The following C6orf132 variants were observed in gnomAD, a reference collection of about 807,000 sequenced individuals.
C6orf132 encodes the protein uncharacterized protein C6orf132.
In C6orf132, 43 loss-of-function variants were observed where a neutral mutation model predicts 65.3. That is an observed-to-expected ratio of 0.66 (90% confidence interval 0.52 to 0.85). C6orf132 has a LOEUF of 0.85. Ranked by LOEUF, C6orf132 falls within the 40% of genes least tolerant of loss-of-function variation. The pLI, the probability that C6orf132 is intolerant of heterozygous loss-of-function variation, is 0.00. For synonymous variants in C6orf132, 631 were observed against 654.1 expected (o/e 0.96, Z 0.54); for missense variants, 1,488 against 1,548.8 (o/e 0.96, Z 0.66).
At chr6:42,128,173 C>CG (rs1562040470) in intron 2 of C6orf132, among the ~76,000 whole-genome samples, 4 of 151,588 alleles carry the variant, frequency 2.6e-5, no homozygotes, top group South Asian at 2.1e-4. Flanking sequence ...TGATCTGCCC[C>CG]CTTGGCCTCC....
intron 1 of C6orf132, among the ~76,000 whole-genome samples, chr6:42,131,010 G>A (rs1766843578): frequency 1.3e-5 from 2 of 152,010 alleles, no homozygotes; most frequent in African/African-American, 2.4e-5. Context: ...CTCAGCCTCC[G>A]AAGTAGTTGG....
At chr6:42,134,292 A>G (rs912919812) in intron 1 of C6orf132, among the ~76,000 whole-genome samples, 2 of 152,218 alleles carry the variant, frequency 1.3e-5, no homozygotes, top group African/African-American at 4.8e-5. Flanking sequence ...ACATGTGAAC[A>G]GTGGTCCCTG....
rs760755874 is a variant in C6orf132 at position 42,105,768 on chromosome 6, C to T, written c.2144G>A (p.Gly715Asp). 175 of 1,537,220 alleles carry T rather than the reference C, an allele frequency of 1.1e-4. No homozygotes were observed. The highest frequency in any genetic ancestry group is 1.5e-4 in the Non-Finnish European group (172 of 1,146,930). The change falls in exon 4 of 5, where the codon GGC (glycine) becomes GAC (aspartate). Residue 715 changes from glycine to aspartate, a missense_variant. Coordinates refer to ENST00000341865, the MANE Select transcript of C6orf132 (RefSeq NM_001164446.3). ...LMAEKDSGPA[G>D]QPEKPASQEV... ...TTGAGATGCTGGCTTCTCTGGCTGGCCAGCTGGGCCTGAGTCCTTCTCTGC... is the reference window on the plus strand; with the variant it reads ...TTGAGATGCTGGCTTCTCTGGCTGGTCAGCTGGGCCTGAGTCCTTCTCTGC...
intron 2 of C6orf132, among the ~76,000 whole-genome samples, chr6:42,113,066 G>C (rs1180618280): frequency 1.3e-5 from 2 of 152,048 alleles, no homozygotes; most frequent in African/African-American, 4.8e-5. Context: ...TTGGGAACCA[G>C]GGGCAGGTAT....
In C6orf132 at chr6:42,107,039, G is replaced by T. The variant is rs1412013312; in HGVS notation, c.873C>A (p.Asn291Lys). ...AEPKGSALGPNPEPHLTFPRS... is the reference protein window; with the variant it reads ...AEPKGSALGPKPEPHLTFPRS... ...GGGGGAAGGTGAGATGGGGCTCTGG[G>T]TTAGGTCCCAGGGCGCTCCCCTTTG... Residue 291 changes from asparagine (N) to lysine (K), a missense_variant, in exon 4 of 5, where the codon AAC becomes AAA. By Grantham distance (94) the Asn-to-Lys change is moderately conservative. Transcript: ENST00000341865. 6.6e-7 allele frequency: 1 copy of T among 1,526,038 alleles called. No individual in the cohort carries two copies. Among genetic ancestry groups the T allele is most frequent in the African/African-American group, 1.4e-5 (1 of 72,288 alleles). 94.5% of individuals were successfully genotyped at this position (1,526,038 alleles called of 1,614,324 possible).
At chr6:42,122,872 C>T (rs1753257493) in intron 2 of C6orf132, among the ~76,000 whole-genome samples, 1 of 152,164 alleles carries the variant, frequency 6.6e-6, no homozygotes, top group African/African-American at 2.4e-5. Context: ...CTGTCTGACT[C>T]AGAGGGTGGG....
Position 42,124,006 on chromosome 6 carries a change from A to C in C6orf132, c.252+4666T>G, listed in dbSNP as rs547137800. On this transcript the variant is annotated intron_variant, in intron 2 of 4. Transcript: ENST00000341865. This position sits in a 1 kb window ranked among gnomAD's most constrained non-coding sequence, Gnocchi z 4.0. ...TGGCTTCTCCGGTGGCCCTCCAGGG[A>C]GCTGACCACACCATCTACCCTTCCG... 6.6e-6 allele frequency among the ~76,000 whole-genome samples: 1 copy of C among 152,206 alleles called. No individual in the cohort carries two copies. The highest frequency in any genetic ancestry group is 1.5e-5 in the Non-Finnish European group (1 of 67,998).
chr6:42,112,917 C>T (rs1477572053), intron 2 of C6orf132, among the ~76,000 whole-genome samples: 1 of 152,186 alleles, frequency 6.6e-6, no homozygotes, highest in Non-Finnish European at 1.5e-5. Context: ...TTGGGATCAG[C>T]AAACCACTCA....
At chr6:42,128,649 C>A (rs1340429867) in intron 2 of C6orf132, 23 bp downstream of exon 2, 2 of 1,541,550 alleles carry the variant, frequency 1.3e-6, no homozygotes, top group East Asian at 4.9e-5. Flanking sequence ...GACTCTCCAA[C>A]CTCAGAGCAG....
chr6:42,115,901 CTTTTTTT>C (rs1294472315), intron 2 of C6orf132, among the ~76,000 whole-genome samples: 79 of 126,030 alleles, frequency 6.3e-4, no homozygotes, highest in South Asian at 1.9e-3. Flanking sequence ...TCAGCACTTT[CTTTTTTT>C]TTTTTTCTTT....
Position 42,106,770 on chromosome 6 carries a change from G to A in C6orf132, c.1142C>T (p.Ser381Phe). Residue 381 changes from serine to phenylalanine, a missense_variant, in exon 4 of 5, where the codon TCC becomes TTC. Transcript: ENST00000341865. ...PASPRLGQSQSQADERAGTPP... is the reference protein window; with the variant it reads ...PASPRLGQSQFQADERAGTPP... ...AGTCCCAGCTCGTTCATCTGCTTGG[G>A]ACTGGGACTGGCCAAGCCTTGGGCT... 1 of 1,533,988 alleles carries A rather than the reference G, an allele frequency of 6.5e-7. No individual in the cohort carries two copies. Among genetic ancestry groups the A allele is most frequent in the Non-Finnish European group, 8.7e-7 (1 of 1,146,624 alleles).
chr6:42,142,603 C>G lies in C6orf132; in HGVS notation c.-159G>C. The stretch of plus-strand genomic sequence containing the variant: ...ACCGGGCAACAGGTGCTGCGGGCGC[C>G]GCCGCTTGCCGGGAAATGCGAGCTA... On this transcript the variant is annotated 5_prime_UTR_variant, in exon 1 of 5. Coordinates refer to ENST00000341865, the MANE Select transcript of C6orf132 (RefSeq NM_001164446.3). The G allele has an allele frequency of 1.6e-6, 1 of 612,778 alleles. No individual in the cohort carries two copies. Among genetic ancestry groups the G allele is most frequent in the South Asian group, 3.8e-5 (1 of 26,482 alleles). The allele number at this position is 612,778 out of a possible 1,614,324, so 38.0% of individuals were successfully genotyped here.
Position 42,132,539 on chromosome 6 carries a change from G to T in C6orf132, c.146-3761C>A, listed in dbSNP as rs1263680658. Among the ~76,000 whole-genome samples, 160 of 139,070 alleles carry T rather than the reference G, an allele frequency of 1.2e-3. 3 individuals are homozygous for T. The highest frequency in any genetic ancestry group is 3.8e-3 in the African/African-American group (143 of 37,312). 91.2% of individuals were successfully genotyped at this position (139,070 alleles called of 152,430 possible). On this transcript the variant is annotated intron_variant, in intron 1 of 4. Coordinates refer to ENST00000341865, the MANE Select transcript of C6orf132 (RefSeq NM_001164446.3). ...CAAAAAATAATAAGAAGAAGAAGAA[G>T]AAGAAGAAAATAAGAAAAGGAGGTG...
At chr6:42,133,111 G>A (rs949536934) in intron 1 of C6orf132, among the ~76,000 whole-genome samples, 2 of 152,186 alleles carry the variant, frequency 1.3e-5, no homozygotes, top group Non-Finnish European at 2.9e-5. Flanking sequence ...ATTTCCTATT[G>A]GAAGTGATGA....
At chr6:42,139,951 CAG>C in intron 1 of C6orf132, among the ~76,000 whole-genome samples, 1 of 152,302 alleles carries the variant, frequency 6.6e-6, no homozygotes, top group African/African-American at 2.4e-5. Flanking sequence ...TATGTATTGA[CAG>C]AGACAGGATG....
chr6:42,104,576 G>T lies in C6orf132; in HGVS notation c.3336C>A (p.Pro1112=). ...RRVNSAGRAP[P]GGLHAPRLSL... is the part of the protein sequence containing the mutation. Reference sequence around the variant, plus strand: ...ACAGCCTCGGCGCGTGCAGGCCTCCGGGGGGCGCGCGACCCGCCGAGTTCA... The same window carrying T: ...ACAGCCTCGGCGCGTGCAGGCCTCCTGGGGGCGCGCGACCCGCCGAGTTCA... Residue 1112 remains proline (P), a synonymous_variant, in exon 4 of 5, where the codon CCC becomes CCA. Coordinates refer to ENST00000341865, the MANE Select transcript of C6orf132 (RefSeq NM_001164446.3). This position sits in a 1 kb window ranked among gnomAD's most constrained non-coding sequence, Gnocchi z 4.1. 1 of 1,320,738 alleles carries T rather than the reference G, an allele frequency of 7.6e-7. No individual in the cohort carries two copies. The highest frequency in any genetic ancestry group is 9.6e-7 in the Non-Finnish European group (1 of 1,039,832). The allele number at this position is 1,320,738 out of a possible 1,614,324, so 81.8% of individuals were successfully genotyped here. A position where few individuals can be genotyped will look rare whatever the true frequency, so the allele number is the denominator to read the frequency against.
chr6:42,106,779 T>G lies in C6orf132; in HGVS notation c.1133A>C (p.Gln378Pro). The change falls in exon 4 of 5, where the codon CAG becomes CCG. Residue 378 changes from glutamine to proline, a missense_variant. Coordinates refer to ENST00000341865, the MANE Select transcript of C6orf132 (RefSeq NM_001164446.3). ...ATAPASPRLG[Q>P]SQSQADERAG... ...TCGTTCATCTGCTTGGGACTGGGAC[T>G]GGCCAAGCCTTGGGCTGGCTGGTGC... 1.3e-6 allele frequency: 2 copies of G among 1,533,932 alleles called. No individual in the cohort carries two copies. The highest frequency in any genetic ancestry group is 8.7e-7 in the Non-Finnish European group (1 of 1,146,596).
At chr6:42,112,947 T>G (rs1766515635) in intron 2 of C6orf132, among the ~76,000 whole-genome samples, 1 of 152,196 alleles carries the variant, frequency 6.6e-6, no homozygotes, top group African/African-American at 2.4e-5. Flanking sequence ...TGAAGAATTC[T>G]GAAGCTGGAA....
At position 42,106,222 on chromosome 6, in the gene C6orf132, G is replaced by T. The variant is rs1274501399; in HGVS notation, c.1690C>A (p.Arg564=). 1 of 1,537,192 alleles carries T rather than the reference G, an allele frequency of 6.5e-7. No homozygotes were observed. Among genetic ancestry groups the T allele is most frequent in the East Asian group, 2.4e-5 (1 of 40,906 alleles). Reference sequence around the variant, plus strand: ...GCCTCCAGCTCATTCCGGATCTGCCGCACACTGGGAGTTGGAGAGTCTTGG... The same window carrying T: ...GCCTCCAGCTCATTCCGGATCTGCCTCACACTGGGAGTTGGAGAGTCTTGG... ...IPQDSPTPSV[R]QIRNELEARL... The change falls in exon 4 of 5, where the codon CGG becomes AGG. Residue 564 remains arginine, a synonymous_variant. Transcript: ENST00000341865.
Sources: allele counts gnomAD v4.1 joint callset (sites outside exome capture counted in the v4.1 genomes callset), GRCh38; gene constraint gnomAD v4.1.1; non-coding constraint Gnocchi (gnomAD v3.1); transcripts MANE v1.5; gene names NCBI Gene and HGNC (gene_info 2026-07-23, HGNC 2026-07-21).